WDR59: variants seen among roughly 807,000 people sequenced by gnomAD.
WDR59 encodes the protein GATOR2 complex protein WDR59.
WDR59 carries 100 observed loss-of-function variants against 131.2 expected under a neutral mutation model. The observed-to-expected ratio is 0.76, with a 90% CI of 0.65 to 0.90. The LOEUF is 0.90. Among genes scored for constraint, WDR59 ranks in the 40% least tolerant of loss-of-function variants. WDR59 has a pLI of 0.00. For missense variants in WDR59, 1,203 were observed against 1,262.2 expected, an observed-to-expected ratio of 0.95 and a Z score of 0.71; for synonymous variants, 601 against 466.2, an observed-to-expected ratio of 1.29 and a Z score of -3.72.
At chr16:74,979,164 C>T (rs371930423) in intron 1 of WDR59, 40 of 152,122 alleles carry the variant, frequency 2.6e-4, no homozygotes, top group East Asian at 1.2e-3. Context: ...CCATTTCCAT[C>T]ATCACTGGAA....
chr16:74,928,023 T>C (rs988622685), intron 8 of WDR59, among the ~76,000 whole-genome samples: 2 of 147,822 alleles, frequency 1.4e-5, no homozygotes, highest in Non-Finnish European at 3.0e-5. Flanking sequence ...ATCTCCTGCC[T>C]CAGCCTCCCG....
rs377035098 is a variant in WDR59 at position 74,960,052 on chromosome 16, G to A, written c.105-3442C>T. Among the ~76,000 whole-genome samples, 36 of 152,034 alleles carry A rather than the reference G, an allele frequency of 2.4e-4. 3 individuals are homozygous for A. The South Asian group carries it at 3.1e-3, about 13-fold the overall frequency. On this transcript the variant is annotated intron_variant, in intron 2 of 25. Transcript: ENST00000262144. ...AGTGTTAGAAGCTAAAGTTTAGGCC[G>A]GGCGCAGTGGCTCACACCTGTAATC...
rs1261541024 is a variant in WDR59 at position 74,909,839 on chromosome 16, A to C, written c.1468T>G (p.Cys490Gly). The stretch of plus-strand genomic sequence containing the variant: ...CTTCCCACCACAAAGGACTCAAGGC[A>C]GGAGACGAGCTGGCGCAGGCAGGGC... ...LEPCLRQLVS[C>G]LESFVNQEDS... The change falls in exon 15 of 26, where the codon TGC (cysteine) becomes GGC (glycine). Residue 490 changes from cysteine (C) to glycine (G), a missense_variant. Physicochemically the swap from Cys to Gly is radical, Grantham distance 159. Transcript: ENST00000262144. 6.2e-7 allele frequency: 1 copy of C among 1,612,648 alleles called. No individual in the cohort carries two copies. The highest frequency in any genetic ancestry group is 2.2e-5 in the East Asian group (1 of 44,876).
intron 5 of WDR59, 85 bp downstream of exon 5, chr16:74,949,633 G>C: frequency 8.0e-7 from 1 of 1,257,514 alleles, no homozygotes. Context: ...GTATCGAGGG[G>C]AAACCAAACT....
intron 1 of WDR59, among the ~76,000 whole-genome samples, chr16:74,982,806 G>A (rs900099007): frequency 1.3e-5 from 2 of 152,186 alleles, no homozygotes; most frequent in East Asian, 1.9e-4. Context: ...ACTGATCAGA[G>A]GGCACCACAG....
intron 25 of WDR59, among the ~76,000 whole-genome samples, chr16:74,882,736 G>A (rs1241254341): frequency 6.9e-6 from 1 of 145,920 alleles, no homozygotes; most frequent in African/African-American, 2.5e-5. Flanking sequence ...CTTGAACTTG[G>A]GAGGCAGAGG....
chr16:74,924,829 C>T (rs766475020), intron 8 of WDR59, among the ~76,000 whole-genome samples: 10 of 152,098 alleles, frequency 6.6e-5, no homozygotes, highest in Non-Finnish European at 1.0e-4. Context: ...CCATGTTGCC[C>T]GGGCTGGTCT....
In WDR59 at chr16:74,941,560, G is replaced by A. The variant is rs149005030; in HGVS notation, c.534+1178C>T. On this transcript the variant is annotated intron_variant, in intron 7 of 25. Transcript: ENST00000262144. The stretch of plus-strand genomic sequence containing the variant: ...AATACAAAAATTAGCTGGGCGTGGT[G>A]GTGTGCACCTATAGTCCCAGCTACT... Among the ~76,000 whole-genome samples, 515 of 152,064 alleles carry A rather than the reference G, an allele frequency of 3.4e-3. 1 individual carries two copies. The highest frequency in any genetic ancestry group is 5.1e-3 in the Non-Finnish European group (350 of 67,972).
Position 74,948,564 on chromosome 16 carries a change from A to G in WDR59, c.408-8T>C. The G allele has an allele frequency of 2.5e-6, 4 of 1,612,068 alleles. No individual in the cohort carries two copies. Among genetic ancestry groups the G allele is most frequent in the Non-Finnish European group, 3.4e-6 (4 of 1,178,104 alleles). The stretch of plus-strand genomic sequence containing the variant: ...GTAGGTTTCCTTGTGTCTCTGAAAT[A>G]TAAAAATAAAAAATCAAATCCCCAA... On this transcript the variant is annotated splice_region_variant and splice_polypyrimidine_tract_variant and intron_variant, in intron 5 of 25. Transcript: ENST00000262144.
intron 1 of WDR59, among the ~76,000 whole-genome samples, chr16:74,969,190 G>A (rs1333155985): frequency 6.6e-6 from 1 of 152,210 alleles, no homozygotes; most frequent in South Asian, 2.1e-4. Flanking sequence ...ATTAAAGACA[G>A]GTTAGAGGTG....
At position 74,888,304 on chromosome 16, in the gene WDR59, G is replaced by A. The variant is rs1964870897; in HGVS notation, c.2211C>T (p.Cys737=). The A allele has an allele frequency of 1.2e-6, 2 of 1,612,942 alleles. No individual in the cohort carries two copies. The highest frequency in any genetic ancestry group is 1.1e-5 in the South Asian group (1 of 90,896). ...CCAGTGTCTGAACATCCCGGAGCCG[G>A]CAATAGTGAGCCAACCTGAGGAAAA... ...QLLESLLAHY[C]RLRDVQTLAM... Residue 737 remains cysteine, a synonymous_variant, in exon 22 of 26, where the codon TGC becomes TGT. Coordinates refer to ENST00000262144, the MANE Select transcript of WDR59 (RefSeq NM_030581.4).
intron 8 of WDR59, among the ~76,000 whole-genome samples, chr16:74,931,967 CTG>C (rs1188803914): frequency 6.6e-6 from 1 of 151,680 alleles, no homozygotes; most frequent in Non-Finnish European, 1.5e-5. Context: ...ACTTTTGCTC[CTG>C]TGTTATAATA....
chr16:74,941,195 G>T (rs2032191415), intron 7 of WDR59, among the ~76,000 whole-genome samples: 1 of 151,520 alleles, frequency 6.6e-6, no homozygotes, highest in African/African-American at 2.4e-5. Context: ...TTTTTAATTG[G>T]CTGGGTGTGG....
At position 74,917,966 on chromosome 16, in the gene WDR59, G is replaced by C. The variant is rs371525112; in HGVS notation, c.929C>G (p.Thr310Ser). 7 of 1,613,880 alleles carry C rather than the reference G, an allele frequency of 4.3e-6. No individual in the cohort carries two copies. In the African/African-American group the frequency reaches 6.7e-5, roughly 15 times the overall value. ...GGAATCCACCCGCCACATTCTCAAG[G>C]TCTGATCCCGGGACCACGTCACCAG... ...YQLVTWSRDQ[T>S]LRMWRVDSQM... The change falls in exon 11 of 26, where the codon ACC (threonine) becomes AGC (serine). Residue 310 changes from threonine (T) to serine (S), a missense_variant. Transcript: ENST00000262144.
chr16:74,965,095 G>A (rs189731811), intron 2 of WDR59, among the ~76,000 whole-genome samples: 2,307 of 152,166 alleles, frequency 0.015, 28 homozygotes, highest in Non-Finnish European at 0.021. Context: ...TTTTGAGATG[G>A]GGTCTTGCTA....
intron 25 of WDR59, among the ~76,000 whole-genome samples, chr16:74,878,533 A>G (rs1964326123): frequency 6.6e-6 from 1 of 151,898 alleles, no homozygotes; most frequent in African/African-American, 2.4e-5. Context: ...CACACCTGTA[A>G]TACCTGGAAG....
At chr16:74,922,906 A>G (rs2030387352) in intron 9 of WDR59, among the ~76,000 whole-genome samples, 1 of 152,250 alleles carries the variant, frequency 6.6e-6, no homozygotes. Flanking sequence ...ACAATGCTCC[A>G]TGGTGACAGC....
chr16:74,945,052 A>G (rs1002620819), intron 6 of WDR59, among the ~76,000 whole-genome samples: 1 of 151,584 alleles, frequency 6.6e-6, no homozygotes, highest in Non-Finnish European at 1.5e-5. Context: ...TGAACCCAGG[A>G]GGCGGAGGTT....
At chr16:74,984,570 G>A (rs562950565) in intron 1 of WDR59, 2 of 254,466 alleles carry the variant, frequency 7.9e-6, no homozygotes, top group East Asian at 8.6e-5. Context: ...TTACGTCCAC[G>A]CAGCTGAGAC....
Sources: allele counts gnomAD v4.1 joint callset (sites outside exome capture counted in the v4.1 genomes callset), GRCh38; gene constraint gnomAD v4.1.1; transcripts MANE v1.5; gene names NCBI Gene and HGNC (gene_info 2026-07-23, HGNC 2026-07-21).